ZFYVE9: variants seen among roughly 807,000 people sequenced by gnomAD.
ZFYVE9 encodes zinc finger FYVE domain-containing protein 9.
In ZFYVE9, 43 loss-of-function variants were observed where a neutral mutation model predicts 126.7. That is an observed-to-expected ratio of 0.34 (90% CI 0.27 to 0.44). The LOEUF (loss-of-function observed/expected upper bound fraction) is 0.44, where lower values mean the gene tolerates loss of function less well. Among genes scored for constraint, ZFYVE9 ranks in the 20% least tolerant of loss-of-function variants. The pLI is 1.00. For synonymous variants in ZFYVE9, 521 were observed against 597.4 expected (o/e 0.87, Z 1.87); for missense variants, 1,476 against 1,697.0 (o/e 0.87, Z 2.29).
chr1:52,160,674 G>A (rs999712586), intron 1 of ZFYVE9: 3 of 578,018 alleles, frequency 5.2e-6, no homozygotes, highest in Admixed American at 3.2e-5. Context: ...TCGGCCTCCT[G>A]CAGTGCTGGG....
chr1:52,304,785 T>C (rs1436425295), intron 13 of ZFYVE9, among the ~76,000 whole-genome samples: 2 of 152,064 alleles, frequency 1.3e-5, no homozygotes, highest in Non-Finnish European at 2.9e-5. Context: ...GCCATGACTT[T>C]CCACGTGATT....
At chr1:52,180,558 TG>T (rs1644688642) in intron 1 of ZFYVE9, 4 of 654,634 alleles carry the variant, frequency 6.1e-6, no homozygotes, top group Admixed American at 2.4e-5. Context: ...TGACTGAGGC[TG>T]CAGCTGCTAT....
Position 52,261,880 on chromosome 1 carries a change from A to C in ZFYVE9, c.2179-1893A>C, listed in dbSNP as rs544757150. 2.5e-3 allele frequency among the ~76,000 whole-genome samples: 376 copies of C among 152,350 alleles called. 5 individuals are homozygous for C. The highest frequency in any genetic ancestry group is 8.9e-3 in the African/African-American group (368 of 41,578). ...TCATGGCGAGGGAGAAGGAAAAGTC[A>C]AGACTCAAAATTTAAATGAAATATG... is the stretch of plus-strand genomic sequence containing the variant. On this transcript the variant is annotated intron_variant, in intron 4 of 18. Transcript: ENST00000287727.
At chr1:52,161,015 A>G (rs999740225) in intron 1 of ZFYVE9, among the ~76,000 whole-genome samples, 13 of 152,180 alleles carry the variant, frequency 8.5e-5, no homozygotes, top group African/African-American at 2.7e-4. Flanking sequence ...GTGACAGACA[A>G]TTCAGTAGTT....
At position 52,219,804 on chromosome 1, in the gene ZFYVE9, G is replaced by GT. The variant is rs1553126056; in HGVS notation, c.-37+3330_-37+3331insT. On this transcript the variant is annotated intron_variant, in intron 2 of 18. Coordinates refer to ENST00000287727, the MANE Select transcript of ZFYVE9 (RefSeq NM_004799.4). ...GTGTGTGTGTGTGTGTGTGTGTGTG[G>GT]CAGAGTCTTACTCTGTCGCCCGGGC... 4.7e-3 allele frequency among the ~76,000 whole-genome samples: 412 copies of GT among 88,132 alleles called. No individual in the cohort carries two copies. In the Middle Eastern group the frequency reaches 0.078, roughly 17 times the overall value. 57.8% of individuals were successfully genotyped at this position (88,132 alleles called of 152,430 possible). A position where few individuals can be genotyped will look rare whatever the true frequency, so the allele number is the denominator to read the frequency against.
intron 1 of ZFYVE9, among the ~76,000 whole-genome samples, chr1:52,149,702 C>T (rs1006836225): frequency 6.6e-6 from 1 of 152,078 alleles, no homozygotes; most frequent in African/African-American, 2.4e-5. Flanking sequence ...ACTATCTTGG[C>T]CAGGCTGGTC....
At chr1:52,251,103 G>A (rs1418653729) in intron 4 of ZFYVE9, among the ~76,000 whole-genome samples, 4 of 149,366 alleles carry the variant, frequency 2.7e-5, no homozygotes, top group South Asian at 2.1e-4. Context: ...ATGGAGTCTC[G>A]CTCTGTCACC....
chr1:52,151,098 T>A (rs1644352712), intron 1 of ZFYVE9, among the ~76,000 whole-genome samples: 1 of 152,116 alleles, frequency 6.6e-6, no homozygotes, highest in Non-Finnish European at 1.5e-5. Context: ...AGGTTGAGAT[T>A]CTTTAACCTG....
intron 1 of ZFYVE9, chr1:52,162,931 TC>T: frequency 2.0e-6 from 1 of 503,548 alleles, no homozygotes; most frequent in African/African-American, 2.0e-5. Flanking sequence ...TGACCATCTC[TC>T]CAATTTTACA....
intron 1 of ZFYVE9, among the ~76,000 whole-genome samples, chr1:52,163,348 T>A (rs1189591317): frequency 6.6e-6 from 1 of 152,198 alleles, no homozygotes; most frequent in East Asian, 1.9e-4. Flanking sequence ...TCCCCAGAAC[T>A]AAATATGAGA....
chr1:52,180,802 C>T (rs1644692025), intron 1 of ZFYVE9, among the ~76,000 whole-genome samples: 1 of 151,494 alleles, frequency 6.6e-6, no homozygotes, highest in African/African-American at 2.4e-5. Context: ...ATGGAGAAAC[C>T]CTGTCTCCAC....
At chr1:52,169,662 A>G (rs556212784) in intron 1 of ZFYVE9, among the ~76,000 whole-genome samples, 5 of 152,306 alleles carry the variant, frequency 3.3e-5, no homozygotes, top group South Asian at 4.1e-4. Flanking sequence ...AAAATGTTAT[A>G]ATAATAGAGG....
chr1:52,319,988 G>C (rs1318133516), intron 13 of ZFYVE9, among the ~76,000 whole-genome samples: 1 of 148,740 alleles, frequency 6.7e-6, no homozygotes, highest in Non-Finnish European at 1.5e-5. Context: ...ACTCCAGCCT[G>C]GTGACAGAGA....
At chr1:52,315,957 G>A (rs1011493440) in intron 13 of ZFYVE9, among the ~76,000 whole-genome samples, 5 of 152,064 alleles carry the variant, frequency 3.3e-5, no homozygotes, top group African/African-American at 1.2e-4. Flanking sequence ...CTTGAGGTCA[G>A]GAGTTCGAGA....
chr1:52,274,733 G>C, intron 8 of ZFYVE9, 149 bp downstream of exon 8: 1 of 867,190 alleles, frequency 1.2e-6, no homozygotes, highest in Non-Finnish European at 1.6e-6. Flanking sequence ...GGTTGTTGCT[G>C]TTATTATTTT....
At chr1:52,344,561 A>C (rs1283049504) in intron 17 of ZFYVE9, among the ~76,000 whole-genome samples, 1 of 152,072 alleles carries the variant, frequency 6.6e-6, no homozygotes, top group South Asian at 2.1e-4. Context: ...CATTTTGTGG[A>C]TGCAGAGATG....
chr1:52,239,287 G>A lies in ZFYVE9; in HGVS notation c.1870G>A (p.Gly624Arg). Residue 624 changes from glycine to arginine, a missense_variant, in exon 4 of 19, where the codon GGG becomes AGG. Physicochemically the swap from Gly to Arg is moderately radical, Grantham distance 125. Coordinates refer to ENST00000287727, the MANE Select transcript of ZFYVE9 (RefSeq NM_004799.4). ...KNDILGKAKLGENSATNVCSP... is the reference protein window; with the variant it reads ...KNDILGKAKLRENSATNVCSP... ...TGATATTCTTGGGAAAGCAAAATTA[G>A]GGGAAAACTCAGCAACCAATGTATG... 1.2e-6 allele frequency: 2 copies of A among 1,614,130 alleles called. No individual in the cohort carries two copies. The highest frequency in any genetic ancestry group is 1.7e-6 in the Non-Finnish European group (2 of 1,180,004).
intron 1 of ZFYVE9, among the ~76,000 whole-genome samples, chr1:52,179,438 C>T (rs1036011902): frequency 2.6e-5 from 4 of 151,780 alleles, no homozygotes; most frequent in Admixed American, 2.0e-4. Context: ...AGTTCAAGAC[C>T]AGCCTGGCTA....
At chr1:52,223,479 T>A (rs1486817234) in intron 2 of ZFYVE9, among the ~76,000 whole-genome samples, 1 of 152,224 alleles carries the variant, frequency 6.6e-6, no homozygotes, top group Non-Finnish European at 1.5e-5. Flanking sequence ...CTTTTGGGCC[T>A]CTTAAAAGTT....
Sources: allele counts gnomAD v4.1 joint callset (sites outside exome capture counted in the v4.1 genomes callset), GRCh38; gene constraint gnomAD v4.1.1; transcripts MANE v1.5; gene names NCBI Gene and HGNC (gene_info 2026-07-23, HGNC 2026-07-21).